Variants in DPP6 observed in about 807,000 individuals in gnomAD.
DPP6 encodes dipeptidyl peptidase like 6.
DPP6 carries 69 observed loss-of-function variants against 122.6 expected under a neutral mutation model. The ratio of observed to expected loss-of-function variants is 0.56; its 90% CI spans 0.46 to 0.69. The LOEUF (loss-of-function observed/expected upper bound fraction) is 0.69, where lower values mean the gene tolerates loss of function less well. Ranked by LOEUF, DPP6 falls within the 30% of genes least tolerant of loss-of-function variation. DPP6 has a pLI of 0.00. For synonymous variants in DPP6, 418 were observed against 433.1 expected, an observed-to-expected ratio of 0.97 and a Z score of 0.43; for missense variants, 928 against 1,116.9, an observed-to-expected ratio of 0.83 and a Z score of 2.41.
At chr7:154,330,850 C>G (rs1462873512) in intron 1 of DPP6, among the ~76,000 whole-genome samples, 1 of 152,160 alleles carries the variant, frequency 6.6e-6, no homozygotes, top group Non-Finnish European at 1.5e-5. Context: ...CTTCAGTCTC[C>G]TCTCCACTCC....
chr7:154,290,712 C>A (rs1805151838), intron 1 of DPP6, among the ~76,000 whole-genome samples: 1 of 152,108 alleles, frequency 6.6e-6, no homozygotes, highest in Non-Finnish European at 1.5e-5. Context: ...ACTTGGCAGC[C>A]ATTTTCCTCT....
intron 16 of DPP6, among the ~76,000 whole-genome samples, chr7:154,830,635 C>A (rs1800558577): frequency 6.6e-6 from 1 of 152,184 alleles, no homozygotes. Flanking sequence ...GCACCTGCAC[C>A]AAGTATCAGG....
intron 1 of DPP6, among the ~76,000 whole-genome samples, chr7:154,396,484 A>G (rs1048107546): frequency 2.6e-5 from 4 of 152,204 alleles, no homozygotes; most frequent in Admixed American, 2.0e-4. Flanking sequence ...AACTTCAGAG[A>G]GAGTAATTGT....
chr7:154,595,904 C>CA (rs376638051), intron 5 of DPP6, among the ~76,000 whole-genome samples: 5,299 of 152,120 alleles, frequency 0.035, 144 homozygotes, highest in Middle Eastern at 0.082. Flanking sequence ...ACTAAAAATA[C>CA]AAAAAAATTA....
chr7:154,886,548 T>C (rs989518905), intron 22 of DPP6, among the ~76,000 whole-genome samples: 1 of 152,020 alleles, frequency 6.6e-6, no homozygotes, highest in African/African-American at 2.4e-5. Context: ...TACAGAGAGG[T>C]CTTTTCTGTG....
intron 5 of DPP6, among the ~76,000 whole-genome samples, chr7:154,630,316 C>T (rs1321582214): frequency 6.6e-6 from 1 of 152,150 alleles, no homozygotes; most frequent in African/African-American, 2.4e-5. Flanking sequence ...TTTGGCTACT[C>T]CAGCATCCCA....
chr7:154,871,352 G>C (rs1804382110), intron 18 of DPP6, among the ~76,000 whole-genome samples: 1 of 152,228 alleles, frequency 6.6e-6, no homozygotes, highest in Admixed American at 6.5e-5. Flanking sequence ...TGGGGCACCT[G>C]TATGAGCCCA....
At chr7:153,928,135 A>G (rs1249706707) in intron 1 of DPP6, among the ~76,000 whole-genome samples, 4 of 152,092 alleles carry the variant, frequency 2.6e-5, no homozygotes, top group Non-Finnish European at 4.4e-5. Flanking sequence ...TTTATTTCTC[A>G]CAGTTCTGGA....
At chr7:154,581,275 T>G (rs1189443690) in intron 5 of DPP6, among the ~76,000 whole-genome samples, 1 of 150,976 alleles carries the variant, frequency 6.6e-6, no homozygotes, top group African/African-American at 2.4e-5. Flanking sequence ...TTGGGGAAGG[T>G]GGAGGGAGAA....
intron 1 of DPP6, among the ~76,000 whole-genome samples, chr7:153,955,058 T>C (rs1802397151): frequency 6.6e-6 from 1 of 152,214 alleles, no homozygotes; most frequent in Non-Finnish European, 1.5e-5. Context: ...CTAGCCAGCC[T>C]TCTTCAGTCT....
chr7:153,857,322 T>TCTCTCTCTCTCTCTC, the DPP6 span, among the ~76,000 whole-genome samples: 104 of 124,474 alleles, frequency 8.4e-4, no homozygotes, highest in East Asian at 8.2e-3. Context: ...CTCAAAGGTT[T>TCTCTCTCTCTCTCTC]TCTCTCTCTC....
intron 3 of DPP6, among the ~76,000 whole-genome samples, chr7:154,523,320 T>G (rs965185664): frequency 3.3e-5 from 5 of 152,210 alleles, no homozygotes; most frequent in Non-Finnish European, 7.3e-5. Flanking sequence ...CAAATGCCAA[T>G]TAATTTCAAT....
At chr7:154,090,608 A>G (rs1359127360) in intron 1 of DPP6, among the ~76,000 whole-genome samples, 1 of 151,980 alleles carries the variant, frequency 6.6e-6, no homozygotes, top group Non-Finnish European at 1.5e-5. Context: ...ACCATTGCCC[A>G]TAGAGGCGCC....
intron 2 of DPP6, among the ~76,000 whole-genome samples, chr7:154,449,230 C>CA (rs959876943): frequency 3.3e-5 from 5 of 151,262 alleles, no homozygotes; most frequent in Admixed American, 6.6e-5. Context: ...AACAAACAAA[C>CA]AAAAAAACAA....
intron 1 of DPP6, among the ~76,000 whole-genome samples, chr7:154,123,147 T>C (rs1404509842): frequency 2.0e-5 from 3 of 152,264 alleles, no homozygotes; most frequent in African/African-American, 7.2e-5. Flanking sequence ...GAATATGAAC[T>C]CCCGCAGACC....
At chr7:154,070,396 C>T (rs1803034105) in intron 1 of DPP6, among the ~76,000 whole-genome samples, 1 of 152,022 alleles carries the variant, frequency 6.6e-6, no homozygotes, top group Non-Finnish European at 1.5e-5. Context: ...GCATTTATTT[C>T]TCAGAAGATA....
intron 1 of DPP6, among the ~76,000 whole-genome samples, chr7:154,302,677 A>G (rs970138811): frequency 2.6e-5 from 4 of 152,218 alleles, no homozygotes; most frequent in South Asian, 2.1e-4. Context: ...CACTCTATCC[A>G]TATTTGTTTA....
intron 1 of DPP6, among the ~76,000 whole-genome samples, chr7:153,912,724 A>G (rs1478207404): frequency 4.6e-5 from 7 of 152,132 alleles, no homozygotes; most frequent in African/African-American, 1.7e-4. Flanking sequence ...AATTTTTCTT[A>G]AGGGGGAGAA....
chr7:153,888,681 C>G (rs1012871565), intron 1 of DPP6, among the ~76,000 whole-genome samples: 1 of 146,672 alleles, frequency 6.8e-6, no homozygotes, highest in African/African-American at 2.5e-5. Flanking sequence ...CTGACGGTCC[C>G]TTATTTTAAG....
Sources: gnomAD v4.1 joint callset for allele counts (sites outside exome capture counted in the v4.1 genomes callset) on GRCh38, gnomAD v4.1.1 for gene constraint, MANE v1.5 for transcripts, NCBI Gene and HGNC (gene_info 2026-07-23, HGNC 2026-07-21) for gene names.